ABLIM2: variants seen among roughly 807,000 people sequenced by gnomAD.
The protein encoded by ABLIM2 is actin binding LIM protein family member 2, also known as actin-binding LIM protein 2.
ABLIM2 carries 53 observed loss-of-function variants against 97.7 expected under a neutral mutation model. That is an observed-to-expected ratio of 0.54 (90% CI 0.44 to 0.68). The LOEUF (loss-of-function observed/expected upper bound fraction) is 0.68, where lower values mean the gene tolerates loss of function less well. ABLIM2 is among the 30% of genes least tolerant of loss of function. The probability of loss-of-function intolerance (pLI) is 0.00; values close to 1 mark genes in which losing one functional copy is unlikely to be tolerated. For missense variants in ABLIM2, 835 were observed against 867.2 expected (o/e 0.96, Z 0.47); for synonymous variants, 361 against 345.8 (o/e 1.04, Z -0.49).
rs746492394 is a variant in ABLIM2, at chr4:8,061,019, T to A, written c.711A>T (p.Leu237=). 6.3e-7 allele frequency: 1 copy of A among 1,598,780 alleles called. No homozygotes were observed. Among genetic ancestry groups the A allele is most frequent in the South Asian group, 1.1e-5 (1 of 88,210 alleles). The change falls in exon 7 of 21, where the codon CTA becomes CTT. Residue 237 remains leucine (L), a synonymous_variant. Transcript: ENST00000447017. The surrounding 1 kb of genome is among the most constrained non-coding windows in gnomAD (Gnocchi z 4.5). The part of the protein sequence containing the change: ...GEKHYHPSCA[L]CVRCGQMFAE... Reference sequence around the variant, plus strand: ...CAAACATCTGGCCGCACCTGACACATAGCGCGCAGGAAGGGTGGTAGTGCT... The same window carrying A: ...CAAACATCTGGCCGCACCTGACACAAAGCGCGCAGGAAGGGTGGTAGTGCT...
intron 1 of ABLIM2, among the ~76,000 whole-genome samples, chr4:8,152,021 T>C (rs1043553479): frequency 6.6e-6 from 1 of 152,158 alleles, no homozygotes; most frequent in Non-Finnish European, 1.5e-5. Flanking sequence ...GGTCTTGTCC[T>C]GCCTCCTGGC....
chr4:8,156,009 G>T (rs1715192349), intron 1 of ABLIM2, among the ~76,000 whole-genome samples: 1 of 152,170 alleles, frequency 6.6e-6, no homozygotes, highest in Admixed American at 6.5e-5. Context: ...TAAGCCACCT[G>T]GTCTTTAGTA....
At chr4:7,994,410 C>T (rs1219415618) in intron 16 of ABLIM2, among the ~76,000 whole-genome samples, 1 of 33,286 alleles carries the variant, frequency 3.0e-5, no homozygotes, top group Admixed American at 4.2e-4. Context: ...CATCCATGTC[C>T]CTACAAAGGA....
Position 7,973,075 on chromosome 4 carries a change from C to CTGTGTGTGTGTGTGTGTG in ABLIM2, c.1825-5990_1825-5973dup, listed in dbSNP as rs71175444. Reference sequence around the variant, plus strand: ...CTCCAGCAATGAGCTGCTCCCCTTGCTGTGTGTGTGTGTGTGTGTGTGTGT... The same window carrying CTGTGTGTGTGTGTGTGTG: ...CTCCAGCAATGAGCTGCTCCCCTTGCTGTGTGTGTGTGTGTGTGTGTGTGTGTGTGTGTGTGTGTGTGT... On this transcript the variant is annotated intron_variant, in intron 20 of 20. Transcript: ENST00000447017. 6.8e-3 allele frequency among the ~76,000 whole-genome samples: 849 copies of CTGTGTGTGTGTGTGTGTG among 124,042 alleles called. 23 individuals carry two copies. Among genetic ancestry groups the CTGTGTGTGTGTGTGTGTG allele is most frequent in the South Asian group, 0.016 (60 of 3,728 alleles). The allele number at this position is 124,042 out of a possible 152,430, so 81.4% of individuals were successfully genotyped here.
Position 7,966,864 on chromosome 4 carries a change from C to CCCCCCCCCCCA in ABLIM2, c.*125_*126insTGGGGGGGGGG. The CCCCCCCCCCCA allele has an allele frequency of 1.1e-5, 2 of 187,016 alleles. No individual in the cohort carries two copies. Among genetic ancestry groups the CCCCCCCCCCCA allele is most frequent in the Non-Finnish European group, 1.1e-5 (1 of 91,922 alleles). 11.6% of individuals were successfully genotyped at this position (187,016 alleles called of 1,614,324 possible). On this transcript the variant is annotated 3_prime_UTR_variant, in exon 21 of 21. Transcript: ENST00000447017. ...CAGGGGCCGCACCTGCTGGGGGACC[C>CCCCCCCCCCCA]CCTCCCGCCCACCCCATGGACACAG...
At chr4:8,036,058 C>T (rs552932178) in intron 10 of ABLIM2, 91 bp downstream of exon 10, 3 of 1,474,124 alleles carry the variant, frequency 2.0e-6, no homozygotes, top group East Asian at 2.4e-5. Flanking sequence ...GTGGCTCTGG[C>T]CCCATAGGAC....
chr4:7,972,377 T>C (rs1254618655), intron 20 of ABLIM2, among the ~76,000 whole-genome samples: 1 of 152,192 alleles, frequency 6.6e-6, no homozygotes, highest in Non-Finnish European at 1.5e-5. Flanking sequence ...TGGTCCTGAC[T>C]CAAGTGTCCC....
chr4:8,045,522 A>G (rs1791747112), intron 8 of ABLIM2, among the ~76,000 whole-genome samples: 1 of 152,136 alleles, frequency 6.6e-6, no homozygotes, highest in South Asian at 2.1e-4. Context: ...GGTGGCGGGC[A>G]CCTGTAATCC....
chr4:8,084,331 T>A (rs1432205903), intron 4 of ABLIM2, among the ~76,000 whole-genome samples: 1 of 151,852 alleles, frequency 6.6e-6, no homozygotes, highest in African/African-American at 2.4e-5. Flanking sequence ...CACCCAGGGG[T>A]TCTCCTGTTT....
At chr4:8,107,557 AC>A (rs1216246595) in intron 1 of ABLIM2, among the ~76,000 whole-genome samples, 1 of 152,162 alleles carries the variant, frequency 6.6e-6, no homozygotes, top group Admixed American at 6.5e-5. Context: ...CCCGGGCAGG[AC>A]CCAGCTGCCC....
chr4:7,996,983 T>C lies in ABLIM2; in HGVS notation c.1619-4056A>G, dbSNP rs1040582811. Among the ~76,000 whole-genome samples the C allele has an allele frequency of 4.6e-5, 7 of 152,214 alleles. No homozygotes were observed. Among genetic ancestry groups the C allele is most frequent in the African/African-American group, 1.4e-4 (6 of 41,464 alleles). On this transcript the variant is annotated intron_variant, in intron 16 of 20. Coordinates refer to ENST00000447017, the MANE Select transcript of ABLIM2 (RefSeq NM_001130083.2). The surrounding 1 kb of genome is among the most constrained non-coding windows in gnomAD (Gnocchi z 4.5). ...GTGCAGATTTTTGGGGTTTATCCTC[T>C]TTCTTTGGGACTCACTTGGTTTCTG... is the stretch of plus-strand genomic sequence containing the variant.
At chr4:7,985,946 C>T (rs1317101520) in intron 17 of ABLIM2, among the ~76,000 whole-genome samples, 1 of 152,270 alleles carries the variant, frequency 6.6e-6, no homozygotes, top group Non-Finnish European at 1.5e-5. Flanking sequence ...AGTCCTGCCC[C>T]TGCCCACTTC....
chr4:8,000,746 A>T (rs559723281), intron 16 of ABLIM2, among the ~76,000 whole-genome samples: 22 of 152,212 alleles, frequency 1.4e-4, no homozygotes, highest in African/African-American at 4.6e-4. Flanking sequence ...ACAAGCACGG[A>T]TGGCGAGGCT....
intron 2 of ABLIM2, 115 bp downstream of exon 2, chr4:8,106,379 T>C (rs1837408475): frequency 2.2e-6 from 3 of 1,353,146 alleles, no homozygotes; most frequent in South Asian, 1.4e-5. Flanking sequence ...GTATCTGGAG[T>C]GTTCTCCAGT....
In ABLIM2 at chr4:8,148,750, T is replaced by C. The variant is rs529946407; in HGVS notation, c.10+9930A>G. ...GGAACTCAGAGTCGGAAAGATCCTC[T>C]AGGACAAGCCCAACCCCAACAGAGA... On this transcript the variant is annotated intron_variant, in intron 1 of 20. Transcript: ENST00000447017. The surrounding 1 kb of genome is among the most constrained non-coding windows in gnomAD (Gnocchi z 6.7). 5.7e-4 allele frequency among the ~76,000 whole-genome samples: 87 copies of C among 152,250 alleles called. No individual in the cohort carries two copies. Among genetic ancestry groups the C allele is most frequent in the Non-Finnish European group, 1.1e-3 (78 of 68,004 alleles).
In ABLIM2 at chr4:8,144,656, T is replaced by C. The variant is rs1851510670; in HGVS notation, c.10+14024A>G. On this transcript the variant is annotated intron_variant, in intron 1 of 20. Transcript: ENST00000447017. ...CGCGGGGCAGGCTTCTCCATGTCAC[T>C]TTGCCTCTATGTCCCCGCCTGTAAA... Among the ~76,000 whole-genome samples, 7 of 152,252 alleles carry C rather than the reference T, an allele frequency of 4.6e-5. No homozygotes were observed. The South Asian group carries it at 1.4e-3, about 32-fold the overall frequency.
At chr4:8,052,384 C>G (rs60624370) in intron 8 of ABLIM2, among the ~76,000 whole-genome samples, 8,493 of 152,274 alleles carry the variant, frequency 0.056, 589 homozygotes, top group African/African-American at 0.16. Context: ...TGAGACCCAG[C>G]GCAGCCTCAG....
Position 8,025,890 on chromosome 4 carries a change from T to G in ABLIM2, c.1267+1869A>C, listed in dbSNP as rs1050292216. On this transcript the variant is annotated intron_variant, in intron 12 of 20. Coordinates refer to ENST00000447017, the MANE Select transcript of ABLIM2 (RefSeq NM_001130083.2). ...GCCCTGCCGTGACTCACCCAAATGG[T>G]TGATTCACTCTGGGTTTCAGGACCG... Among the ~76,000 whole-genome samples, 10 of 152,294 alleles carry G rather than the reference T, an allele frequency of 6.6e-5. No individual in the cohort carries two copies. In the East Asian group the frequency reaches 1.9e-3, roughly 29 times the overall value.
At chr4:8,070,335 T>C (rs1811134049) in intron 6 of ABLIM2, among the ~76,000 whole-genome samples, 1 of 151,828 alleles carries the variant, frequency 6.6e-6, no homozygotes, top group African/African-American at 2.4e-5. Flanking sequence ...GTGCAAAATC[T>C]GAAAGGATGA....
Sources: allele counts gnomAD v4.1 joint callset (sites outside exome capture counted in the v4.1 genomes callset), GRCh38; gene constraint gnomAD v4.1.1; non-coding constraint Gnocchi (gnomAD v3.1); transcripts MANE v1.5; gene names NCBI Gene and HGNC (gene_info 2026-07-23, HGNC 2026-07-21).